Variants in TTLL2 observed in about 807,000 individuals in gnomAD.
TTLL2 encodes probable tubulin polyglutamylase TTLL2.
A neutral mutation model predicts 7.5 loss-of-function variants in TTLL2; 10 were observed. The observed-to-expected ratio is 1.33, with a 90% CI of 0.82 to 2.25. The LOEUF (loss-of-function observed/expected upper bound fraction) is 2.25, where lower values mean the gene tolerates loss of function less well. Among genes scored for constraint, TTLL2 ranks in the 30% most tolerant of loss-of-function variants. The pLI is 0.00. For missense variants in TTLL2, 733 were observed against 735.7 expected (o/e 1.00, Z 0.04); for synonymous variants, 284 against 280.3 (o/e 1.01, Z -0.13).
intron 1 of TTLL2, among the ~76,000 whole-genome samples, chr6:167,335,827 G>T (rs1472841780): frequency 4.1e-5 from 5 of 121,930 alleles, no homozygotes; most frequent in Non-Finnish European, 8.5e-5. Flanking sequence ...GTGGTGGGGT[G>T]GGGGGAGGGG....
chr6:167,330,984 C>T (rs1251470667), intron 1 of TTLL2, among the ~76,000 whole-genome samples: 5 of 152,168 alleles, frequency 3.3e-5, no homozygotes, highest in Admixed American at 2.6e-4. Context: ...CGGACCCAGT[C>T]GCTCCCCGGG....
At position 167,340,812 on chromosome 6, in the gene TTLL2, ATC is replaced by A; in HGVS notation, c.913_914del (p.Ser305ArgfsTer5). On this transcript the variant is annotated frameshift_variant, in exon 3 of 3. Transcript: ENST00000239587. LOFTEE classifies it low-confidence loss of function (END_TRUNC). Reference protein sequence around the residue: ...AHLTNSSINKSGASYEKIKEV... With the variant: ...AHLTNSSINKXGASYEKIKEV... Reference sequence around the variant, plus strand: ...ATTTGACCAACAGCAGCATCAATAAATCCGGGGCCTCTTATGAGAAGATCAAA... The same window carrying A: ...ATTTGACCAACAGCAGCATCAATAAACGGGGCCTCTTATGAGAAGATCAAA... 6.2e-7 allele frequency: 1 copy of A among 1,614,174 alleles called. No homozygotes were observed. Among genetic ancestry groups the A allele is most frequent in the Non-Finnish European group, 8.5e-7 (1 of 1,180,046 alleles).
chr6:167,338,683 C>T lies in TTLL2; in HGVS notation c.84C>T (p.Asn28=), dbSNP rs538735506. 2.9e-4 allele frequency: 462 copies of T among 1,614,026 alleles called. 1 individual carries two copies. The highest frequency in any genetic ancestry group is 3.8e-4 in the Non-Finnish European group (448 of 1,179,994). Residue 28 remains asparagine, a synonymous_variant, in exon 2 of 3, where the codon AAC becomes AAT. Transcript: ENST00000239587. The stretch of plus-strand genomic sequence containing the variant: ...CCACCACCCCAGCCTTTACCCTTAA[C>T]ATTCCATCCGAGGCAAACCACACTG... ...LRTTTPAFTL[N]IPSEANHTEQ...
In TTLL2 at chr6:167,340,731, G is replaced by A; in HGVS notation, c.831G>A (p.Leu277=). The A allele has an allele frequency of 1.9e-6, 3 of 1,614,160 alleles. No homozygotes were observed. Among genetic ancestry groups the A allele is most frequent in the Non-Finnish European group, 2.5e-6 (3 of 1,180,038 alleles). ...PLTIYVYQEG[L]VRFATEKFDL... ...CCATTTATGTTTATCAGGAAGGGTTGGTTCGGTTTGCCACGGAAAAGTTTG... is the reference window on the plus strand; with the variant it reads ...CCATTTATGTTTATCAGGAAGGGTTAGTTCGGTTTGCCACGGAAAAGTTTG... Residue 277 remains leucine (L), a synonymous_variant, in exon 3 of 3, where the codon TTG becomes TTA. Transcript: ENST00000239587.
At chr6:167,335,833 A>AG (rs1411558482) in intron 1 of TTLL2, among the ~76,000 whole-genome samples, 1 of 66,574 alleles carries the variant, frequency 1.5e-5, no homozygotes, top group African/African-American at 6.3e-5. Flanking sequence ...GGGTGGGGGG[A>AG]GGGGGGAGGG....
rs1362219807 is a variant in TTLL2, at chr6:167,333,839, C to T, written c.48-4808C>T. ...CTATTTGATTCTTCTCTCTTTTTTT[C>T]TTTGTTAGTCTTGCTAGCGGTCTAT... On this transcript the variant is annotated intron_variant, in intron 1 of 2. Coordinates refer to ENST00000239587, the MANE Select transcript of TTLL2 (RefSeq NM_031949.5). 9.5e-5 allele frequency among the ~76,000 whole-genome samples: 13 copies of T among 137,326 alleles called. No homozygotes were observed. The South Asian group carries it at 3.1e-3, about 33-fold the overall frequency. 90.1% of individuals were successfully genotyped at this position (137,326 alleles called of 152,430 possible). A position where few individuals can be genotyped will look rare whatever the true frequency, so the allele number is the denominator to read the frequency against.
chr6:167,330,143 C>T (rs59023575), intron 1 of TTLL2, among the ~76,000 whole-genome samples: 11,337 of 152,086 alleles, frequency 0.075, 425 homozygotes, highest in African/African-American at 0.083. Context: ...TCCTGGCTTC[C>T]GACCTAGAAA....
intron 1 of TTLL2, among the ~76,000 whole-genome samples, chr6:167,332,058 A>C (rs929187341): frequency 1.3e-5 from 2 of 152,162 alleles, no homozygotes; most frequent in African/African-American, 4.8e-5. Flanking sequence ...AACCTTAGAT[A>C]AATTAAATGT....
chr6:167,338,751 G>T lies in TTLL2; in HGVS notation c.152G>T (p.Gly51Val). The T allele has an allele frequency of 6.2e-7, 1 of 1,613,996 alleles. No individual in the cohort carries two copies. Among genetic ancestry groups the T allele is most frequent in the Non-Finnish European group, 8.5e-7 (1 of 1,179,930 alleles). The change falls in exon 2 of 3, where the codon GGT becomes GTT. Residue 51 changes from glycine to valine, a missense_variant. Coordinates refer to ENST00000239587, the MANE Select transcript of TTLL2 (RefSeq NM_031949.5). The stretch of plus-strand genomic sequence containing the variant: ...CTGGGAGCAAGGCTACAGGAAGCAG[G>T]TGTTTCCATCCCTCCCAGGCGAGGC... Reference protein sequence around the residue: ...AGLGARLQEAGVSIPPRRGRP... With the variant: ...AGLGARLQEAVVSIPPRRGRP...
Position 167,341,926 on chromosome 6 carries a change from T to G in TTLL2, c.*247T>G. ...AGGTGTCTTGAAAGAATTCTACAAA[T>G]ACCACACAGCCTCCCACCAGTAATT... On this transcript the variant is annotated 3_prime_UTR_variant, in exon 3 of 3. Coordinates refer to ENST00000239587, the MANE Select transcript of TTLL2 (RefSeq NM_031949.5). 2.1e-6 allele frequency: 1 copy of G among 476,228 alleles called. No homozygotes were observed. 29.5% of individuals were successfully genotyped at this position (476,228 alleles called of 1,614,324 possible).
intron 1 of TTLL2, among the ~76,000 whole-genome samples, chr6:167,336,333 T>A (rs1778983350): frequency 6.6e-6 from 1 of 152,082 alleles, no homozygotes; most frequent in Non-Finnish European, 1.5e-5. Flanking sequence ...GAAGAAATAA[T>A]AATATATGTT....
At chr6:167,338,266 C>A (rs1454900099) in intron 1 of TTLL2, among the ~76,000 whole-genome samples, 1 of 151,880 alleles carries the variant, frequency 6.6e-6, no homozygotes, top group Non-Finnish European at 1.5e-5. Context: ...ACAACATACA[C>A]AACACACAGC....
rs747691128 is a variant in TTLL2, at chr6:167,338,831, C to CCTTT, written c.204+31_204+32insTCTT. On this transcript the variant is annotated intron_variant, in intron 2 of 2. Transcript: ENST00000239587. ...GGGTGGGCAAGCCAGGTAGTTCCTTCCTTCCTTCCTTCCTTCCTTCCTTCC... is the reference window on the plus strand; with the variant it reads ...GGGTGGGCAAGCCAGGTAGTTCCTTCCTTTCTTCCTTCCTTCCTTCCTTCCTTCC... 5.7e-4 allele frequency: 755 copies of CCTTT among 1,330,634 alleles called. 4 individuals are homozygous for CCTTT. In the African/African-American group the frequency reaches 0.011, roughly 19 times the overall value. The allele number at this position is 1,330,634 out of a possible 1,614,324, so 82.4% of individuals were successfully genotyped here.
rs1779110241 is a variant in TTLL2, at chr6:167,342,474, A to G, written c.*795A>G. 6.6e-6 allele frequency among the ~76,000 whole-genome samples: 1 copy of G among 152,240 alleles called. No individual in the cohort carries two copies. Among genetic ancestry groups the G allele is most frequent in the Admixed American group, 6.5e-5 (1 of 15,288 alleles). ...TATGACTCCGTTGATATGGAATGTC[A>G]GAATTGGCAAATCCATCAAAAGCAG... On this transcript the variant is annotated 3_prime_UTR_variant, in exon 3 of 3. Coordinates refer to ENST00000239587, the MANE Select transcript of TTLL2 (RefSeq NM_031949.5).
chr6:167,326,176 G>A (rs1778846174), intron 1 of TTLL2, among the ~76,000 whole-genome samples: 1 of 152,110 alleles, frequency 6.6e-6, no homozygotes, highest in South Asian at 2.1e-4. Flanking sequence ...GGGGCTGAGC[G>A]TACACATGGG....
rs1480885568 is a variant in TTLL2 at position 167,340,177 on chromosome 6, G to C, written c.277G>C (p.Glu93Gln). The change falls in exon 3 of 3, where the codon GAG becomes CAG. Residue 93 changes from glutamate (E) to glutamine (Q), a missense_variant. Coordinates refer to ENST00000239587, the MANE Select transcript of TTLL2 (RefSeq NM_031949.5). ...GAAGCCGCTGGTTTTTCGCGTTGAC[G>C]AGACCACCCCGGCTGTGGTGCAAAG... ...LLKPLVFRVD[E>Q]TTPAVVQSVL... is the part of the protein sequence containing the mutation. The C allele has an allele frequency of 2.5e-6, 4 of 1,612,342 alleles. No homozygotes were observed. In the South Asian group the frequency reaches 4.4e-5, roughly 18 times the overall value.
At chr6:167,332,278 G>A (rs1190872655) in intron 1 of TTLL2, among the ~76,000 whole-genome samples, 1 of 152,154 alleles carries the variant, frequency 6.6e-6, no homozygotes, top group Non-Finnish European at 1.5e-5. Flanking sequence ...GCAGTTGGCT[G>A]CCTGTGGTCG....
chr6:167,325,130 G>A lies in TTLL2; in HGVS notation c.-44G>A, dbSNP rs1312324791. 1.9e-6 allele frequency: 3 copies of A among 1,557,096 alleles called. No individual in the cohort carries two copies. The highest frequency in any genetic ancestry group is 1.7e-6 in the Non-Finnish European group (2 of 1,151,788). On this transcript the variant is annotated 5_prime_UTR_variant, in exon 1 of 3. Coordinates refer to ENST00000239587, the MANE Select transcript of TTLL2 (RefSeq NM_031949.5). ...GCGCATTTCAGCTGGCGCTGCAGCT[G>A]CTGCACAGAGACCCACAGAGGCCAC...
At chr6:167,335,600 A>C (rs1468987342) in intron 1 of TTLL2, among the ~76,000 whole-genome samples, 9 of 150,894 alleles carry the variant, frequency 6.0e-5, no homozygotes, top group Admixed American at 2.6e-4. Context: ...GACTGGATTA[A>C]GAAAATGTGG....
Sources: gnomAD v4.1 joint callset for allele counts (sites outside exome capture counted in the v4.1 genomes callset) on GRCh38, gnomAD v4.1.1 for gene constraint, MANE v1.5 for transcripts, NCBI Gene and HGNC (gene_info 2026-07-23, HGNC 2026-07-21) for gene names.